Variants in PTTG1IP observed in about 807,000 individuals in gnomAD.
The protein encoded by PTTG1IP is PTTG1 interacting protein.
Under a neutral mutation model 24.4 loss-of-function variants are expected in PTTG1IP, and 16 were observed. The observed-to-expected ratio is 0.66, with a 90% CI of 0.44 to 1.00. The LOEUF (loss-of-function observed/expected upper bound fraction) is 1.00. Among genes scored for constraint, PTTG1IP ranks in the 50% least tolerant of loss-of-function variants. PTTG1IP has a pLI of 0.00. For synonymous variants in PTTG1IP, 89 were observed against 96.8 expected (o/e 0.92, Z 0.47); for missense variants, 241 against 245.8 (o/e 0.98, Z 0.13).
intron 1 of PTTG1IP, chr21:44,865,829 A>C: frequency 7.5e-6 from 2 of 266,652 alleles, no homozygotes; most frequent in East Asian, 8.4e-5. Context: ...ATCAGCAGGC[A>C]CTCTTTTGGG....
intron 2 of PTTG1IP, among the ~76,000 whole-genome samples, chr21:44,862,317 C>T (rs1191795836): frequency 2.6e-5 from 4 of 152,190 alleles, no homozygotes; most frequent in South Asian, 2.1e-4. Flanking sequence ...GTCAGAAGTT[C>T]GGGATCAGCC....
At chr21:44,866,431 C>T in intron 1 of PTTG1IP, among the ~76,000 whole-genome samples, 1 of 93,816 alleles carries the variant, frequency 1.1e-5, no homozygotes, top group East Asian at 5.4e-4. Context: ...ATAACACACA[C>T]ACACACACAC....
In PTTG1IP at chr21:44,849,773, C is replaced by T. The variant is rs2083398192; in HGVS notation, c.*1808G>A. On this transcript the variant is annotated 3_prime_UTR_variant, in exon 6 of 6. Coordinates refer to ENST00000330938, the MANE Select transcript of PTTG1IP (RefSeq NM_004339.4). ...ACACTGAGCGCAAGGGCTGACTACG[C>T]TGTATTTCACAACCGAGCCCTAGCG... 6.6e-6 allele frequency: 1 copy of T among 152,390 alleles called. No homozygotes were observed. The highest frequency in any genetic ancestry group is 6.5e-5 in the Admixed American group (1 of 15,286). The allele number at this position is 152,390 out of a possible 1,614,324, so 9.4% of individuals were successfully genotyped here.
In PTTG1IP at chr21:44,850,351, G is replaced by A. The variant is rs781064536; in HGVS notation, c.*1230C>T. The A allele has an allele frequency of 9.9e-5, 15 of 152,218 alleles. No homozygotes were observed. Among genetic ancestry groups the A allele is most frequent in the Non-Finnish European group, 1.3e-4 (9 of 68,044 alleles). The allele number at this position is 152,218 out of a possible 1,614,324, so 9.4% of individuals were successfully genotyped here. ...CCCCGCACGCTGCTTTCCCTGCCAC[G>A]AAGCGCTTGGTCTGCTTACTAAAGC... is the stretch of plus-strand genomic sequence containing the variant. On this transcript the variant is annotated 3_prime_UTR_variant, in exon 6 of 6. Coordinates refer to ENST00000330938, the MANE Select transcript of PTTG1IP (RefSeq NM_004339.4).
At chr21:44,856,170 A>T in intron 4 of PTTG1IP, 23 bp downstream of exon 4, 2 of 1,613,962 alleles carry the variant, frequency 1.2e-6, no homozygotes, top group Non-Finnish European at 1.7e-6. Flanking sequence ...TAACCTTCCC[A>T]GCGGGCATCA....
rs149230223 is a variant in PTTG1IP at position 44,856,245 on chromosome 21, C to T, written c.397G>A (p.Glu133Lys). The part of the protein sequence containing the change: ...RKRSRKPDRS[E>K]EKAMREREER... ...TCCCGCTCACGCATGGCCTTCTCCTCACTCCTGTCCGGCTTCCGGCTCCTC... is the reference window on the plus strand; with the variant it reads ...TCCCGCTCACGCATGGCCTTCTCCTTACTCCTGTCCGGCTTCCGGCTCCTC... The change falls in exon 4 of 6, where the codon GAG (glutamate) becomes AAG (lysine). Residue 133 changes from glutamate (E) to lysine (K), a missense_variant. Transcript: ENST00000330938. 6.8e-6 allele frequency: 11 copies of T among 1,614,092 alleles called. No homozygotes were observed. Among genetic ancestry groups the T allele is most frequent in the Non-Finnish European group, 9.3e-6 (11 of 1,180,038 alleles).
chr21:44,859,936 A>ATT (rs1457645610), intron 3 of PTTG1IP, among the ~76,000 whole-genome samples: 23 of 152,348 alleles, frequency 1.5e-4, no homozygotes, highest in Admixed American at 4.6e-4. Flanking sequence ...TCATCAAAAC[A>ATT]CCTTAAGAAA....
intron 5 of PTTG1IP, among the ~76,000 whole-genome samples, chr21:44,854,870 A>G (rs540855193): frequency 6.6e-6 from 1 of 152,196 alleles, no homozygotes; most frequent in Non-Finnish European, 1.5e-5. Flanking sequence ...CCTGAAACTC[A>G]CAGCACCTCG....
At chr21:44,866,059 C>T (rs549394193) in intron 1 of PTTG1IP, among the ~76,000 whole-genome samples, 1 of 152,102 alleles carries the variant, frequency 6.6e-6, no homozygotes, top group South Asian at 2.1e-4. Flanking sequence ...CCCTGAGACT[C>T]TGCCCACTAC....
At chr21:44,861,897 G>C (rs1425189890) in intron 2 of PTTG1IP, 1 of 714,572 alleles carries the variant, frequency 1.4e-6, no homozygotes, top group Non-Finnish European at 2.6e-6. Flanking sequence ...CTGTAGCAAG[G>C]ACCATGCTTC....
chr21:44,868,867 G>C (rs1362350769), intron 1 of PTTG1IP, among the ~76,000 whole-genome samples: 1 of 152,160 alleles, frequency 6.6e-6, no homozygotes, highest in African/African-American at 2.4e-5. Context: ...TCTGCCTGTG[G>C]ACTGACAAGA....
At chr21:44,854,574 T>C (rs146212469) in intron 5 of PTTG1IP, among the ~76,000 whole-genome samples, 1 of 152,360 alleles carries the variant, frequency 6.6e-6, no homozygotes, top group African/African-American at 2.4e-5. Context: ...TGGGTGGTGG[T>C]GTTCAGTGTT....
Position 44,856,351 on chromosome 21 carries a change from C to T in PTTG1IP, c.291G>A (p.Ala97=), listed in dbSNP as rs1394271590. Residue 97 remains alanine (A), a synonymous_variant, in exon 4 of 6, where the codon GCG becomes GCA. Coordinates refer to ENST00000330938, the MANE Select transcript of PTTG1IP (RefSeq NM_004339.4). ...RWGVCWVNFE[A]LIITMSVVGG... The stretch of plus-strand genomic sequence containing the variant: ...CGACTACCGACATGGTGATGATCAG[C>T]GCCTCAAAGTTCACTGGAGATTCAA... The T allele has an allele frequency of 6.8e-6, 11 of 1,612,058 alleles. No individual in the cohort carries two copies. The highest frequency in any genetic ancestry group is 3.3e-5 in the South Asian group (3 of 90,886).
chr21:44,864,062 A>G (rs1008834746), intron 2 of PTTG1IP, among the ~76,000 whole-genome samples: 7 of 152,224 alleles, frequency 4.6e-5, no homozygotes, highest in African/African-American at 1.2e-4. Context: ...CGGCCTCCTC[A>G]TATCATGAAA....
At chr21:44,863,231 C>T (rs1439944565) in intron 2 of PTTG1IP, among the ~76,000 whole-genome samples, 33 of 141,074 alleles carry the variant, frequency 2.3e-4, no homozygotes, top group Non-Finnish European at 3.0e-4. Context: ...CAGCCCACCA[C>T]GGCCTCAGCA....
At chr21:44,864,311 C>T (rs2083517610) in intron 2 of PTTG1IP, among the ~76,000 whole-genome samples, 1 of 152,292 alleles carries the variant, frequency 6.6e-6, no homozygotes, top group African/African-American at 2.4e-5. Flanking sequence ...CGTGGCAAGG[C>T]AAGCCCAAGA....
intron 1 of PTTG1IP, among the ~76,000 whole-genome samples, chr21:44,872,019 A>G (rs1025545653): frequency 1.3e-5 from 2 of 152,184 alleles, no homozygotes; most frequent in Non-Finnish European, 2.9e-5. Context: ...AGCAGTGCAG[A>G]GCAGGAGGAA....
rs2083607654 is a variant in PTTG1IP, at chr21:44,873,486, G to GC, written c.115+15dup. ...CCCCGCCCCCTTCGCGGCCCCGCCCGCCCCGGCGCCCTCACCAGCTCCGGG... is the reference window on the plus strand; with the variant it reads ...CCCCGCCCCCTTCGCGGCCCCGCCCGCCCCCGGCGCCCTCACCAGCTCCGGG... On this transcript the variant is annotated intron_variant, in intron 1 of 5. Coordinates refer to ENST00000330938, the MANE Select transcript of PTTG1IP (RefSeq NM_004339.4). 1.5e-6 allele frequency: 2 copies of GC among 1,375,898 alleles called. No homozygotes were observed. Among genetic ancestry groups the GC allele is most frequent in the East Asian group, 6.3e-5 (2 of 31,632 alleles). 85.2% of individuals were successfully genotyped at this position (1,375,898 alleles called of 1,614,324 possible).
At chr21:44,852,276 G>A (rs1188576302) in intron 5 of PTTG1IP, among the ~76,000 whole-genome samples, 1 of 151,912 alleles carries the variant, frequency 6.6e-6, no homozygotes, top group Non-Finnish European at 1.5e-5. Context: ...TCCGCCTCCT[G>A]GGTTCAAGGA....
Sources: gnomAD v4.1 joint callset for allele counts (sites outside exome capture counted in the v4.1 genomes callset) on GRCh38, gnomAD v4.1.1 for gene constraint, MANE v1.5 for transcripts, NCBI Gene and HGNC (gene_info 2026-07-23, HGNC 2026-07-21) for gene names.